The following TSHR variants were observed in gnomAD, a reference collection of about 807,000 sequenced individuals.
TSHR encodes thyrotropin receptor.
In TSHR, 51 loss-of-function variants were observed where a neutral mutation model predicts 64.1. That is an observed-to-expected ratio of 0.80 (90% CI 0.64 to 1.01). TSHR has a LOEUF of 1.01. Among genes scored for constraint, TSHR ranks in the 50% least tolerant of loss-of-function variants. The probability of loss-of-function intolerance (pLI) is 0.00; values close to 1 mark genes in which losing one functional copy is unlikely to be tolerated. For synonymous variants in TSHR, 361 were observed against 361.9 expected (o/e 1.00, Z 0.03); for missense variants, 877 against 942.8 (o/e 0.93, Z 0.91).
At chr14:80,998,170 T>A (rs2139753289) in intron 1 of TSHR, among the ~76,000 whole-genome samples, 1 of 152,316 alleles carries the variant, frequency 6.6e-6, no homozygotes, top group African/African-American at 2.4e-5. Context: ...TTCTGAAATT[T>A]GAGGGAAAAA....
In TSHR at chr14:81,068,250, T is replaced by A. The variant is rs1195032697; in HGVS notation, c.243-4T>A. The A allele has an allele frequency of 6.2e-7, 1 of 1,612,570 alleles. No individual in the cohort carries two copies. Among genetic ancestry groups the A allele is most frequent in the Non-Finnish European group, 8.5e-7 (1 of 1,179,118 alleles). On this transcript the variant is annotated splice_region_variant and splice_polypyrimidine_tract_variant and intron_variant, in intron 2 of 9. Transcript: ENST00000298171. ...ACTTTGTCTTATATTTTTCTGACAT[T>A]CAGCTACGTATCTATAGATGTGACT...
intron 1 of TSHR, among the ~76,000 whole-genome samples, chr14:80,963,725 G>T (rs1448013271): frequency 6.6e-6 from 1 of 152,166 alleles, no homozygotes; most frequent in Admixed American, 6.5e-5. Context: ...TGTAGGGAGA[G>T]CCCCTCTGAA....
intron 1 of TSHR, chr14:80,982,998 T>A: frequency 1.9e-6 from 1 of 538,692 alleles, no homozygotes; most frequent in Non-Finnish European, 3.4e-6. Flanking sequence ...CTACTGATCC[T>A]CTTGTTCATA....
intron 3 of TSHR, among the ~76,000 whole-genome samples, chr14:81,075,617 G>C (rs1034216792): frequency 1.3e-5 from 2 of 150,548 alleles, no homozygotes; most frequent in Admixed American, 1.3e-4. Flanking sequence ...CTAGCATTAG[G>C]TATATCTCCC....
At chr14:81,114,712 C>T (rs866962375) in intron 8 of TSHR, among the ~76,000 whole-genome samples, 2 of 152,216 alleles carry the variant, frequency 1.3e-5, no homozygotes, top group African/African-American at 4.8e-5. Flanking sequence ...TCTGTAGGCT[C>T]CACCTCTGGG....
intron 1 of TSHR, among the ~76,000 whole-genome samples, chr14:80,997,395 TA>T (rs1202078058): frequency 6.6e-6 from 1 of 152,178 alleles, no homozygotes; most frequent in Non-Finnish European, 1.5e-5. Flanking sequence ...CTCCTATTTT[TA>T]AAAAACAAGC....
At chr14:81,074,859 C>G (rs1887381755) in intron 3 of TSHR, among the ~76,000 whole-genome samples, 1 of 152,132 alleles carries the variant, frequency 6.6e-6, no homozygotes, top group Non-Finnish European at 1.5e-5. Context: ...GTTAGTTTAC[C>G]ATTGCCACTT....
intron 1 of TSHR, among the ~76,000 whole-genome samples, chr14:80,964,047 G>A (rs139385157): frequency 1.7e-4 from 26 of 152,278 alleles, no homozygotes; most frequent in Admixed American, 1.4e-3. Flanking sequence ...TTTCATTGCC[G>A]TAGGTGGGAG....
At chr14:81,005,731 G>A (rs114703458) in intron 1 of TSHR, among the ~76,000 whole-genome samples, 1,614 of 152,234 alleles carry the variant, frequency 0.011, 31 homozygotes, top group African/African-American at 0.038. Flanking sequence ...TTGGAACCGC[G>A]GAGCTACTGA....
intron 2 of TSHR, among the ~76,000 whole-genome samples, chr14:81,065,718 A>C (rs1413487564): frequency 6.6e-6 from 1 of 152,178 alleles, no homozygotes; most frequent in Non-Finnish European, 1.5e-5. Context: ...CTGTTTTGTC[A>C]TTGTCCAGAA....
intron 1 of TSHR, among the ~76,000 whole-genome samples, chr14:81,031,955 T>G (rs755314321): frequency 6.6e-6 from 1 of 152,124 alleles, no homozygotes; most frequent in Non-Finnish European, 1.5e-5. Context: ...TTCCACCAGA[T>G]GCATAGGTAT....
Position 81,077,947 on chromosome 14 carries a change from AC to A in TSHR, c.317+9621del, listed in dbSNP as rs150274063. On this transcript the variant is annotated intron_variant, in intron 3 of 9. Transcript: ENST00000298171. Reference sequence around the variant, plus strand: ...ATGTTACTCCACATATCATGTAAGAACCTTTTGAAATTAAAATTCCATTTAC... The same window carrying A: ...ATGTTACTCCACATATCATGTAAGAACTTTTGAAATTAAAATTCCATTTAC... Among the ~76,000 whole-genome samples the A allele has an allele frequency of 4.7e-3, 710 of 151,460 alleles. 7 individuals carry two copies. Among genetic ancestry groups the A allele is most frequent in the African/African-American group, 0.017 (681 of 40,810 alleles).
At chr14:81,085,920 T>C (rs1233627311) in intron 3 of TSHR, among the ~76,000 whole-genome samples, 1 of 152,132 alleles carries the variant, frequency 6.6e-6, no homozygotes, top group Non-Finnish European at 1.5e-5. Context: ...TTATGAGATT[T>C]TGGAGTAGGG....
chr14:81,054,464 C>A (rs1256894531), intron 1 of TSHR, among the ~76,000 whole-genome samples: 1 of 152,230 alleles, frequency 6.6e-6, no homozygotes, highest in African/African-American at 2.4e-5. Context: ...CAGGCAGAGG[C>A]TAGAGCAGTT....
intron 1 of TSHR, among the ~76,000 whole-genome samples, chr14:80,971,110 C>T (rs1447326833): frequency 1.3e-5 from 2 of 152,140 alleles, no homozygotes; most frequent in Non-Finnish European, 2.9e-5. Context: ...AAGCGTGAGC[C>T]ACCATACCTG....
At chr14:81,128,684 C>T (rs1181166005) in intron 8 of TSHR, among the ~76,000 whole-genome samples, 1 of 152,170 alleles carries the variant, frequency 6.6e-6, no homozygotes, top group Admixed American at 6.5e-5. Flanking sequence ...GGACACATGG[C>T]ATGTTCCCAC....
In TSHR at chr14:81,103,773, A is replaced by C; in HGVS notation, c.615-4602A>C. 2.0e-6 allele frequency: 2 copies of C among 985,420 alleles called. No homozygotes were observed. Among genetic ancestry groups the C allele is most frequent in the Non-Finnish European group, 2.4e-6 (2 of 829,914 alleles). 61.0% of individuals were successfully genotyped at this position (985,420 alleles called of 1,614,324 possible). On this transcript the variant is annotated intron_variant, in intron 7 of 9. Coordinates refer to ENST00000298171, the MANE Select transcript of TSHR (RefSeq NM_000369.5). The surrounding 1 kb of genome is among the most constrained non-coding windows in gnomAD (Gnocchi z 4.1). ...TTTCTTTTCCATCCTCTTTCCACGC[A>C]ATCTGCGTGGGGATATGTTGCTTCT...
chr14:80,973,043 G>A lies in TSHR; in HGVS notation c.170+17193G>A, dbSNP rs117185315. Among the ~76,000 whole-genome samples the A allele has an allele frequency of 3.8e-3, 582 of 152,268 alleles. 5 individuals are homozygous for A. The highest frequency in any genetic ancestry group is 5.7e-3 in the Non-Finnish European group (390 of 68,026). On this transcript the variant is annotated intron_variant, in intron 1 of 9. Transcript: ENST00000298171. ...ACAGGTTCATTTCTAACACATCAAT[G>A]TAGATAGCAGCCCCATTCCATGCTG...
At chr14:81,009,110 T>C (rs1257883355) in intron 1 of TSHR, among the ~76,000 whole-genome samples, 3 of 152,230 alleles carry the variant, frequency 2.0e-5, no homozygotes, top group African/African-American at 7.2e-5. Flanking sequence ...GTATTAATAA[T>C]AACTTCAGCT....
Sources: allele counts gnomAD v4.1 joint callset (sites outside exome capture counted in the v4.1 genomes callset), GRCh38; gene constraint gnomAD v4.1.1; non-coding constraint Gnocchi (gnomAD v3.1); transcripts MANE v1.5; gene names NCBI Gene and HGNC (gene_info 2026-07-23, HGNC 2026-07-21).